The following PSD3 variants were observed in gnomAD, a reference collection of about 807,000 sequenced individuals.
PSD3 encodes the protein pleckstrin and Sec7 domain containing 3, also known as PH and SEC7 domain-containing protein 3.
Under a neutral mutation model 105.5 loss-of-function variants are expected in PSD3, and 49 were observed. That is an observed-to-expected ratio of 0.46 (90% CI 0.37 to 0.59). PSD3 has a LOEUF of 0.59. PSD3 is among the 20% of genes least tolerant of loss of function. The pLI, the probability that PSD3 is intolerant of heterozygous loss-of-function variation, is 0.00. For missense variants in PSD3, 1,561 were observed against 1,263.8 expected, an observed-to-expected ratio of 1.24 and a Z score of -3.57; for synonymous variants, 557 against 457.8, an observed-to-expected ratio of 1.22 and a Z score of -2.77.
intron 2 of PSD3, among the ~76,000 whole-genome samples, chr8:18,904,813 T>G (rs972573033): frequency 6.6e-6 from 1 of 152,068 alleles, no homozygotes; most frequent in Non-Finnish European, 1.5e-5. Context: ...CAGACAATAG[T>G]AAATTAACAT....
chr8:18,679,840 A>T (rs79535791), intron 9 of PSD3, among the ~76,000 whole-genome samples: 1 of 152,188 alleles, frequency 6.6e-6, no homozygotes, highest in Non-Finnish European at 1.5e-5. Flanking sequence ...TTTCTTTGCT[A>T]TATCACTGAA....
At position 18,535,803 on chromosome 8, in the gene PSD3, G is replaced by A. The variant is rs140500650; in HGVS notation, c.3084C>T (p.Asn1028=). The A allele has an allele frequency of 3.0e-5, 48 of 1,613,970 alleles. No homozygotes were observed. Among genetic ancestry groups the A allele is most frequent in the African/African-American group, 1.5e-4 (11 of 74,890 alleles). ...GTCGGTGATCCTTCCTCTCTGACAC[G>A]TTACGCTTGACTTTGGCAGTGATTG... is the stretch of plus-strand genomic sequence containing the variant. ...TSPITAKVKR[N]VSERKDHRPE... Residue 1028 remains asparagine (N), a synonymous_variant, in exon 16 of 16, where the codon AAC becomes AAT. Coordinates refer to ENST00000327040, the MANE Select transcript of PSD3 (RefSeq NM_015310.4).
chr8:18,559,776 G>T (rs1182399848), intron 14 of PSD3, among the ~76,000 whole-genome samples: 1 of 151,974 alleles, frequency 6.6e-6, no homozygotes, highest in Non-Finnish European at 1.5e-5. Context: ...ATTTTAATGA[G>T]GAATACAGGC....
intron 1 of PSD3, among the ~76,000 whole-genome samples, chr8:19,005,695 C>T (rs191625888): frequency 6.6e-6 from 1 of 151,962 alleles, no homozygotes; most frequent in African/African-American, 2.4e-5. Context: ...CTCTATGTTG[C>T]CCAGACTGGT....
chr8:19,071,989 C>T (rs1023392757), intron 1 of PSD3, among the ~76,000 whole-genome samples: 3 of 150,086 alleles, frequency 2.0e-5, no homozygotes, highest in African/African-American at 7.4e-5. Flanking sequence ...GGATTCCAGG[C>T]GTAAGCCACC....
chr8:19,074,600 TATATATATATA>T (rs1411912618), intron 1 of PSD3, among the ~76,000 whole-genome samples: 3 of 18,546 alleles, frequency 1.6e-4, no homozygotes, highest in Non-Finnish European at 2.2e-4. Context: ...TACATATATA[TATATATATATA>T]TTTTTTTTTT....
chr8:18,637,062 G>C (rs974353987), intron 10 of PSD3, among the ~76,000 whole-genome samples: 1 of 152,112 alleles, frequency 6.6e-6, no homozygotes, highest in Non-Finnish European at 1.5e-5. Flanking sequence ...GAGAAAACTG[G>C]CTTTCACGAT....
chr8:18,628,010 C>G (rs560115053), intron 11 of PSD3, among the ~76,000 whole-genome samples: 155 of 151,766 alleles, frequency 1.0e-3, no homozygotes, highest in African/African-American at 3.7e-3. Flanking sequence ...AGTTGAACTT[C>G]AAAGATAAAC....
intron 4 of PSD3, among the ~76,000 whole-genome samples, chr8:18,805,303 A>G: frequency 6.6e-6 from 1 of 152,174 alleles, no homozygotes; most frequent in East Asian, 1.9e-4. Flanking sequence ...AAGAACTAAA[A>G]TTCACTGTTT....
intron 1 of PSD3, among the ~76,000 whole-genome samples, chr8:19,054,595 G>A (rs1250574066): frequency 2.0e-5 from 3 of 152,086 alleles, no homozygotes. Context: ...TTTATATGCT[G>A]AAAATGCAGT....
intron 11 of PSD3, among the ~76,000 whole-genome samples, chr8:18,607,702 A>AAAC: frequency 1.1e-5 from 1 of 88,190 alleles, no homozygotes; most frequent in African/African-American, 5.4e-5. Context: ...AAAACAAAAC[A>AAAC]AAAAAAAAAA....
intron 2 of PSD3, among the ~76,000 whole-genome samples, chr8:18,884,026 A>C (rs1818293199): frequency 6.6e-6 from 1 of 152,250 alleles, no homozygotes; most frequent in Admixed American, 6.5e-5. Context: ...GAAAATTTAT[A>C]GAAGCAAGCT....
intron 9 of PSD3, among the ~76,000 whole-genome samples, chr8:18,745,258 A>G (rs1804914548): frequency 6.6e-6 from 1 of 152,192 alleles, no homozygotes; most frequent in South Asian, 2.1e-4. Context: ...AGTATCCTTC[A>G]ATGGCTCTAT....
chr8:18,710,058 G>C (rs1189548020), intron 9 of PSD3, among the ~76,000 whole-genome samples: 1 of 152,190 alleles, frequency 6.6e-6, no homozygotes, highest in Non-Finnish European at 1.5e-5. Flanking sequence ...AGCTAAAGGA[G>C]TGGGTTCTAA....
intron 14 of PSD3, among the ~76,000 whole-genome samples, chr8:18,556,890 C>T (rs536589673): frequency 2.6e-5 from 4 of 152,206 alleles, no homozygotes; most frequent in South Asian, 4.1e-4. Context: ...GCAGCTATCT[C>T]GCTTTTCTCT....
At chr8:18,642,657 C>T (rs1244869118) in intron 10 of PSD3, among the ~76,000 whole-genome samples, 1 of 152,158 alleles carries the variant, frequency 6.6e-6, no homozygotes, top group Non-Finnish European at 1.5e-5. Flanking sequence ...ACCAACCTGT[C>T]TGCTCTGAAT....
chr8:18,692,477 G>C (rs558194242), intron 9 of PSD3, among the ~76,000 whole-genome samples: 36 of 152,224 alleles, frequency 2.4e-4, no homozygotes, highest in Middle Eastern at 3.4e-3. Context: ...AGAAAAGAGG[G>C]AACAGCAGTC....
intron 1 of PSD3, among the ~76,000 whole-genome samples, chr8:18,972,284 T>C (rs1034666735): frequency 1.3e-5 from 2 of 152,316 alleles, no homozygotes; most frequent in South Asian, 4.1e-4. Flanking sequence ...ATTGATTTTC[T>C]GCAATGATAC....
intron 9 of PSD3, among the ~76,000 whole-genome samples, chr8:18,710,294 GA>G (rs911343063): frequency 2.1e-4 from 32 of 151,804 alleles, no homozygotes; most frequent in African/African-American, 6.0e-4. Context: ...AGATTAGAGG[GA>G]AAAAAAATGA....
Sources: allele counts gnomAD v4.1 joint callset (sites outside exome capture counted in the v4.1 genomes callset), GRCh38; gene constraint gnomAD v4.1.1; transcripts MANE v1.5; gene names NCBI Gene and HGNC (gene_info 2026-07-23, HGNC 2026-07-21).